CCDC14: variants seen among roughly 807,000 people sequenced by gnomAD.
CCDC14 encodes the protein coiled-coil domain containing 14, also known as coiled-coil domain-containing protein 14.
A neutral mutation model predicts 81.4 loss-of-function variants in CCDC14; 71 were observed. The ratio of observed to expected loss-of-function variants is 0.87; its 90% CI spans 0.72 to 1.06. The LOEUF is 1.06. Ranked by LOEUF, CCDC14 falls within the 50% of genes least tolerant of loss-of-function variation. The pLI is 0.00. For synonymous variants in CCDC14, 332 were observed against 364.8 expected (o/e 0.91, Z 1.03); for missense variants, 1,046 against 1,047.3 (o/e 1.00, Z 0.02).
downstream of CCDC14, among the ~76,000 whole-genome samples, chr3:123,912,210 G>A (rs2034464407): frequency 6.6e-6 from 1 of 152,164 alleles, no homozygotes; most frequent in South Asian, 2.1e-4. Context: ...GTGTGTCAGA[G>A]GTTAGGGATA....
chr3:123,886,795 T>A, the CCDC14 span, among the ~76,000 whole-genome samples: 14 of 152,190 alleles, frequency 9.2e-5, no homozygotes, highest in African/African-American at 3.4e-4. Flanking sequence ...GCCTTTTCAA[T>A]AGACAGAGCT....
At chr3:123,930,406 T>C (rs1282438220) in intron 12 of CCDC14, among the ~76,000 whole-genome samples, 1 of 152,222 alleles carries the variant, frequency 6.6e-6, no homozygotes, top group Non-Finnish European at 1.5e-5. Context: ...TGCAGATCTT[T>C]AGGCCTCAGA....
At chr3:123,943,365 C>A (rs1319802207) in intron 9 of CCDC14, among the ~76,000 whole-genome samples, 8 of 152,058 alleles carry the variant, frequency 5.3e-5, no homozygotes, top group African/African-American at 9.7e-5. Context: ...AAGCAGGCCT[C>A]AGAAAACAGA....
rs1010771094 is a variant in CCDC14 at position 123,944,909 on chromosome 3, A to G, written c.1283T>C (p.Ile428Thr). 4 of 1,612,254 alleles carry G rather than the reference A, an allele frequency of 2.5e-6. No individual in the cohort carries two copies. The highest frequency in any genetic ancestry group is 1.7e-5 in the Admixed American group (1 of 59,938). ...CATGGCCAGTGCTATCTCAACTTGA[A>G]TATCTGTGTTTCCACTTACTGTTGG... ...VLPTVSGNTDIQVEIALAMQP... is the reference protein window; with the variant it reads ...VLPTVSGNTDTQVEIALAMQP... The change falls in exon 9 of 13, where the codon ATT becomes ACT. Residue 428 changes from isoleucine to threonine, a missense_variant. Physicochemically the swap from Ile to Thr is moderately conservative, Grantham distance 89 (BLOSUM62 -1). Transcript: ENST00000409697.
chr3:123,901,494 G>A (rs1034907789), intron 5 of CCDC14, among the ~76,000 whole-genome samples: 1 of 151,736 alleles, frequency 6.6e-6, no homozygotes, highest in Non-Finnish European at 1.5e-5. Context: ...TGAAAGAAAA[G>A]TGTTGAACTG....
chr3:123,956,599 G>A (rs1393848927), intron 2 of CCDC14, 141 bp downstream of exon 2: 6 of 749,912 alleles, frequency 8.0e-6, no homozygotes, highest in Middle Eastern at 4.8e-4. Flanking sequence ...TGATTAACAT[G>A]GGTAGACATG....
intron 5 of CCDC14, among the ~76,000 whole-genome samples, chr3:123,906,173 C>CA (rs1320959150): frequency 6.6e-6 from 1 of 151,656 alleles, no homozygotes; most frequent in Admixed American, 6.6e-5. Context: ...ACTAAAAACA[C>CA]AAAAAAATTA....
chr3:123,951,114 G>A (rs951575517), intron 5 of CCDC14, among the ~76,000 whole-genome samples: 10 of 152,154 alleles, frequency 6.6e-5, no homozygotes, highest in African/African-American at 2.4e-4. Flanking sequence ...GAGTAACCTT[G>A]CGCAAATTAA....
intron 12 of CCDC14, among the ~76,000 whole-genome samples, chr3:123,928,378 C>A (rs1332084102): frequency 2.7e-5 from 4 of 145,604 alleles, no homozygotes; most frequent in Non-Finnish European, 4.5e-5. Flanking sequence ...TGGTGGAGGG[C>A]ACCTGTAGTC....
At chr3:123,921,853 T>C (rs2035066249) in intron 12 of CCDC14, among the ~76,000 whole-genome samples, 2 of 152,212 alleles carry the variant, frequency 1.3e-5, no homozygotes, top group East Asian at 1.9e-4. Context: ...GGGCCATCAG[T>C]TGGACAAGCT....
downstream of CCDC14, among the ~76,000 whole-genome samples, chr3:123,896,930 A>G (rs1291497260): frequency 6.6e-6 from 1 of 152,190 alleles, no homozygotes; most frequent in African/African-American, 2.4e-5. Flanking sequence ...AGGGGCAGGG[A>G]AAATGTATTA....
chr3:123,889,284 G>A, the CCDC14 span, among the ~76,000 whole-genome samples: 1 of 152,102 alleles, frequency 6.6e-6, no homozygotes, highest in African/African-American at 2.4e-5. Context: ...GTGGTGGCAC[G>A]TGCCTGTAAT....
At chr3:123,924,897 G>A (rs2035265808) in intron 12 of CCDC14, among the ~76,000 whole-genome samples, 1 of 150,796 alleles carries the variant, frequency 6.6e-6, no homozygotes, top group African/African-American at 2.4e-5. Flanking sequence ...GCAATCCCAT[G>A]TCTATGTACA....
At chr3:123,892,996 G>C (rs1397739680), downstream of CCDC14, among the ~76,000 whole-genome samples, 1 of 151,930 alleles carries the variant, frequency 6.6e-6, no homozygotes, top group African/African-American at 2.4e-5. Context: ...AGTAGAGATG[G>C]GGTTTCACCA....
chr3:123,927,249 T>A (rs1468458565), intron 12 of CCDC14, among the ~76,000 whole-genome samples: 66 of 124,250 alleles, frequency 5.3e-4, no homozygotes, highest in African/African-American at 5.5e-4. Flanking sequence ...CTACTAAAAG[T>A]AAAAAAAAAA....
At position 123,947,089 on chromosome 3, in the gene CCDC14, T is replaced by C. The variant is rs373769754; in HGVS notation, c.915A>G (p.Thr305=). 2 of 1,614,002 alleles carry C rather than the reference T, an allele frequency of 1.2e-6. No individual in the cohort carries two copies. The highest frequency in any genetic ancestry group is 1.7e-6 in the Non-Finnish European group (2 of 1,179,892). The change falls in exon 8 of 13, where the codon ACA becomes ACG. Residue 305 remains threonine (T), a synonymous_variant. Coordinates refer to ENST00000409697, the MANE Select transcript of CCDC14 (RefSeq NM_001366335.1). ...KETDLLKCIQ[T]YLSLFRSHGK... Reference sequence around the variant, plus strand: ...CATGAGATCGAAAAAGAGACAAATATGTTTGAATACATTTTAGTAGGTCTG... The same window carrying C: ...CATGAGATCGAAAAAGAGACAAATACGTTTGAATACATTTTAGTAGGTCTG...
chr3:123,956,637 G>T, intron 2 of CCDC14, 103 bp downstream of exon 2: 1 of 900,260 alleles, frequency 1.1e-6, no homozygotes, highest in Non-Finnish European at 1.7e-6. Flanking sequence ...GCTTGTGATG[G>T]TAGAGGCCTA....
chr3:123,931,714 C>T (rs760871129), intron 10 of CCDC14, among the ~76,000 whole-genome samples, 188 bp from the exon 11 acceptor site: 5 of 151,840 alleles, frequency 3.3e-5, no homozygotes, highest in African/African-American at 4.8e-5. Context: ...GAAGTCATAC[C>T]TTTCTTTTCC....
intron 5 of CCDC14, chr3:123,953,238 T>A (rs2037132078): frequency 6.6e-6 from 1 of 152,236 alleles, no homozygotes; most frequent in African/African-American, 2.4e-5. Flanking sequence ...TGACCTAAAC[T>A]CCTTACCTGG....
Sources: gnomAD v4.1 joint callset for allele counts (sites outside exome capture counted in the v4.1 genomes callset) on GRCh38, gnomAD v4.1.1 for gene constraint, MANE v1.5 for transcripts, NCBI Gene and HGNC (gene_info 2026-07-23, HGNC 2026-07-21) for gene names.